Variants in PTPRZ1 observed in about 807,000 individuals in gnomAD.
PTPRZ1 encodes receptor-type tyrosine-protein phosphatase zeta.
In PTPRZ1, 82 loss-of-function variants were observed where a neutral mutation model predicts 214.1. The observed-to-expected ratio is 0.38, with a 90% CI of 0.32 to 0.46. The LOEUF (loss-of-function observed/expected upper bound fraction) is 0.46. Among genes scored for constraint, PTPRZ1 ranks in the 20% least tolerant of loss-of-function variants. The probability of loss-of-function intolerance (pLI) is 1.00; values close to 1 mark genes in which losing one functional copy is unlikely to be tolerated. For missense variants in PTPRZ1, 2,603 were observed against 2,748.7 expected (o/e 0.95, Z 1.19); for synonymous variants, 945 against 987.9 (o/e 0.96, Z 0.81).
intron 1 of PTPRZ1, among the ~76,000 whole-genome samples, chr7:121,897,941 T>A (rs1017487646): frequency 6.6e-6 from 1 of 152,172 alleles, no homozygotes; most frequent in African/African-American, 2.4e-5. Flanking sequence ...AAAACCTTAT[T>A]ATATCATAAT....
intron 1 of PTPRZ1, among the ~76,000 whole-genome samples, chr7:121,917,295 G>A (rs1397497784): frequency 6.6e-6 from 1 of 152,180 alleles, no homozygotes; most frequent in East Asian, 1.9e-4. Context: ...AATTAGAGAT[G>A]TCATCAAAGT....
intron 3 of PTPRZ1, among the ~76,000 whole-genome samples, chr7:121,968,478 C>A (rs763706774): frequency 6.6e-6 from 1 of 152,002 alleles, no homozygotes; most frequent in Non-Finnish European, 1.5e-5. Context: ...TCTTTTCTGC[C>A]TAGCCTCATG....
intron 8 of PTPRZ1, among the ~76,000 whole-genome samples, chr7:121,991,984 C>G (rs1397564747): frequency 1.3e-5 from 2 of 152,172 alleles, no homozygotes; most frequent in Non-Finnish European, 2.9e-5. Flanking sequence ...AAATGAGGCT[C>G]ATAAACTTCA....
At chr7:122,039,899 A>G (rs1267673463) in intron 20 of PTPRZ1, among the ~76,000 whole-genome samples, 2 of 151,768 alleles carry the variant, frequency 1.3e-5, no homozygotes, top group Non-Finnish European at 2.9e-5. Context: ...CAGGAATCAC[A>G]TGTACCCAGG....
chr7:122,050,456 A>AGGAAGGGGAGGGGAGGGGAAGG (rs1393426649), intron 23 of PTPRZ1, among the ~76,000 whole-genome samples: 2 of 128,084 alleles, frequency 1.6e-5, no homozygotes, highest in Admixed American at 7.9e-5. Flanking sequence ...AGGGGAGGGA[A>AGGAAGGGGAGGGGAGGGGAAGG]AAGGAGAGGA....
rs374451963 is a variant in PTPRZ1, at chr7:122,040,925, G to T, written c.5747G>T (p.Arg1916Ile). The T allele has an allele frequency of 1.1e-5, 18 of 1,602,732 alleles. No individual in the cohort carries two copies. The highest frequency in any genetic ancestry group is 1.3e-5 in the African/African-American group (1 of 74,720). Residue 1916 changes from arginine to isoleucine, a missense_variant, in exon 21 of 30, where the codon AGA (arginine) becomes ATA (isoleucine). Around this residue, in one of 6 missense-constraint regions of PTPRZ1, gnomAD observed 1,913 missense variants for 1,914.3 expected, o/e 1.00. Coordinates refer to ENST00000393386, the MANE Select transcript of PTPRZ1 (RefSeq NM_002851.3). ...EYSLPVLTFV[R>I]KAAYAKRHAV... The stretch of plus-strand genomic sequence containing the variant: ...TCCCTGCCAGTGCTGACCTTTGTGA[G>T]AAAGGCAGCCTATGCCAAGCGCCAT...
At chr7:121,905,089 G>A (rs12669706) in intron 1 of PTPRZ1, among the ~76,000 whole-genome samples, 25,838 of 152,032 alleles carry the variant, frequency 0.17, 2,472 homozygotes, top group East Asian at 0.29. Flanking sequence ...TTGAACCTTC[G>A]TATATGCTTT....
intron 13 of PTPRZ1, among the ~76,000 whole-genome samples, chr7:122,025,422 C>T (rs893538173): frequency 6.6e-6 from 1 of 151,560 alleles, no homozygotes; most frequent in Non-Finnish European, 1.5e-5. Flanking sequence ...CTCCACCTCC[C>T]TGGTTCAAGC....
At chr7:121,943,358 G>T in intron 2 of PTPRZ1, among the ~76,000 whole-genome samples, 1 of 151,918 alleles carries the variant, frequency 6.6e-6, no homozygotes, top group Non-Finnish European at 1.5e-5. Context: ...TTATTTTTTT[G>T]AGATGGAGTC....
Position 122,021,466 on chromosome 7 carries a change from CT to C in PTPRZ1, c.4988+2199del, listed in dbSNP as rs1799014495. 3.9e-5 allele frequency among the ~76,000 whole-genome samples: 6 copies of C among 152,204 alleles called. No homozygotes were observed. In the South Asian group the frequency reaches 1.2e-3, roughly 32 times the overall value. ...TGAGTATTTTGGCCAGGCACAGTGG[CT>C]CACACCTGTAATCCCAGCAATTTGC... is the stretch of plus-strand genomic sequence containing the variant. On this transcript the variant is annotated intron_variant, in intron 13 of 29. Transcript: ENST00000393386.
chr7:122,021,719 G>A (rs968844124), intron 13 of PTPRZ1, among the ~76,000 whole-genome samples: 5 of 151,456 alleles, frequency 3.3e-5, no homozygotes, highest in Admixed American at 6.6e-5. Flanking sequence ...CAGCCTGGGC[G>A]ACAAAGTAAG....
At chr7:121,908,502 T>C (rs1795179859) in intron 1 of PTPRZ1, 1 of 366,588 alleles carries the variant, frequency 2.7e-6, no homozygotes, top group Non-Finnish European at 5.2e-6. Flanking sequence ...TAAGATTTGT[T>C]TTTTACCTAG....
chr7:121,883,840 G>A (rs1794312951), intron 1 of PTPRZ1, among the ~76,000 whole-genome samples: 1 of 152,148 alleles, frequency 6.6e-6, no homozygotes, highest in Non-Finnish European at 1.5e-5. Context: ...TGGTCAGGGT[G>A]GCCTCTAACT....
At chr7:121,908,130 A>T (rs1795170184) in intron 1 of PTPRZ1, among the ~76,000 whole-genome samples, 1 of 152,132 alleles carries the variant, frequency 6.6e-6, no homozygotes, top group Non-Finnish European at 1.5e-5. Context: ...ACCATGTTTT[A>T]TATTAAGAAG....
Position 122,017,651 on chromosome 7 carries a change from TC to T in PTPRZ1, c.4844-1470del, listed in dbSNP as rs1798885354. On this transcript the variant is annotated intron_variant, in intron 12 of 29. Coordinates refer to ENST00000393386, the MANE Select transcript of PTPRZ1 (RefSeq NM_002851.3). The stretch of plus-strand genomic sequence containing the variant: ...ATCTCAGCTCACTGCAACCTCTACT[TC>T]CCGGGTTCAGGCCATTCTCCTGACT... 2.0e-5 allele frequency among the ~76,000 whole-genome samples: 3 copies of T among 152,094 alleles called. No homozygotes were observed. In the South Asian group the frequency reaches 6.2e-4, roughly 32 times the overall value.
At position 121,993,865 on chromosome 7, in the gene PTPRZ1, G is replaced by A. The variant is rs75829876; in HGVS notation, c.929-2517G>A. Among the ~76,000 whole-genome samples, 1,108 of 152,036 alleles carry A rather than the reference G, an allele frequency of 7.3e-3. 44 individuals carry two copies. In the East Asian group the frequency reaches 0.083, roughly 11 times the overall value. On this transcript the variant is annotated intron_variant, in intron 8 of 29. Transcript: ENST00000393386. ...AGTATGTATGTTTTTTTCACCATAAGAGCCTGTGTCTCCACATCTAAAATA... is the reference window on the plus strand; with the variant it reads ...AGTATGTATGTTTTTTTCACCATAAAAGCCTGTGTCTCCACATCTAAAATA...
rs779030789 is a variant in PTPRZ1 at position 122,054,011 on chromosome 7, G to T, written c.6354G>T (p.Val2118=). The change falls in exon 26 of 30, where the codon GTG becomes GTT. Residue 2118 remains valine (V), a synonymous_variant. Coordinates refer to ENST00000393386, the MANE Select transcript of PTPRZ1 (RefSeq NM_002851.3). The part of the protein sequence containing the change: ...RMIWDHNAQL[V]VMIPDGQNMA... Reference sequence around the variant, plus strand: ...TATGGGACCATAATGCCCAACTGGTGGTTATGATTCCTGATGGCCAAAACA... The same window carrying T: ...TATGGGACCATAATGCCCAACTGGTTGTTATGATTCCTGATGGCCAAAACA... 9.9e-6 allele frequency: 16 copies of T among 1,613,004 alleles called. No homozygotes were observed. The African/African-American group carries it at 2.1e-4, about 22-fold the overall frequency.
At chr7:122,055,586 G>C (rs1792323048) in intron 27 of PTPRZ1, among the ~76,000 whole-genome samples, 1 of 151,642 alleles carries the variant, frequency 6.6e-6, no homozygotes. Context: ...AAAACACACA[G>C]GACAATAAAC....
intron 8 of PTPRZ1, among the ~76,000 whole-genome samples, chr7:121,995,402 T>C (rs540827247): frequency 6.6e-6 from 1 of 152,308 alleles, no homozygotes; most frequent in South Asian, 2.1e-4. Flanking sequence ...ATCTGGCCCA[T>C]GAAGAGATAT....
Sources: gnomAD v4.1 joint callset for allele counts (sites outside exome capture counted in the v4.1 genomes callset) on GRCh38, gnomAD v4.1.1 for gene constraint, gnomAD v4.1.1 regional missense constraint, MANE v1.5 for transcripts, NCBI Gene and HGNC (gene_info 2026-07-23, HGNC 2026-07-21) for gene names.